Variants in SNX29 observed in about 807,000 individuals in gnomAD.
SNX29 encodes sorting nexin-29.
SNX29 carries 78 observed loss-of-function variants against 102.1 expected under a neutral mutation model. That is an observed-to-expected ratio of 0.76 (90% CI 0.64 to 0.92). The LOEUF (loss-of-function observed/expected upper bound fraction) is 0.92. Among genes scored for constraint, SNX29 ranks in the 40% least tolerant of loss-of-function variants. SNX29 has a pLI of 0.00. For synonymous variants in SNX29, 580 were observed against 414.5 expected, an observed-to-expected ratio of 1.40 and a Z score of -4.85; for missense variants, 1,280 against 1,061.7, an observed-to-expected ratio of 1.21 and a Z score of -2.86.
At chr16:12,140,726 CT>C (rs1277880159) in intron 13 of SNX29, among the ~76,000 whole-genome samples, 1 of 152,138 alleles carries the variant, frequency 6.6e-6, no homozygotes, top group African/African-American at 2.4e-5. Context: ...CCGAAGGTCT[CT>C]GTGCTGTGTT....
At chr16:12,496,776 C>G (rs573561872) in intron 19 of SNX29, among the ~76,000 whole-genome samples, 4 of 152,234 alleles carry the variant, frequency 2.6e-5, no homozygotes, top group African/African-American at 9.6e-5. Context: ...CTTCTGATGG[C>G]TTTTGAATTT....
intron 8 of SNX29, among the ~76,000 whole-genome samples, chr16:12,058,586 C>T (rs377558836): frequency 3.3e-4 from 49 of 147,204 alleles, no homozygotes; most frequent in African/African-American, 1.2e-3. Context: ...CTCCGCCTCT[C>T]GAGTTCAAGT....
chr16:12,112,473 T>C (rs2053537501), intron 11 of SNX29, among the ~76,000 whole-genome samples: 2 of 152,188 alleles, frequency 1.3e-5, no homozygotes, highest in African/African-American at 2.4e-5. Context: ...ATGAAGGTGC[T>C]GCCATCAGGC....
At chr16:12,040,697 C>T (rs2049845407) in intron 4 of SNX29, among the ~76,000 whole-genome samples, 1 of 152,130 alleles carries the variant, frequency 6.6e-6, no homozygotes, top group African/African-American at 2.4e-5. Flanking sequence ...ACTGGAAAGC[C>T]ATCAAAAATC....
intron 14 of SNX29, among the ~76,000 whole-genome samples, chr16:12,265,115 T>C (rs1391967336): frequency 1.3e-5 from 2 of 152,218 alleles, no homozygotes; most frequent in African/African-American, 4.8e-5. Flanking sequence ...ACTTCCTTTT[T>C]TGGGTCTGTA....
chr16:12,491,514 T>C (rs1228712004), intron 19 of SNX29, among the ~76,000 whole-genome samples: 1 of 152,244 alleles, frequency 6.6e-6, no homozygotes. Context: ...GCTGTTGTTT[T>C]TTTTTATGTG....
At chr16:12,310,231 C>A (rs1308761591) in intron 15 of SNX29, among the ~76,000 whole-genome samples, 2 of 152,186 alleles carry the variant, frequency 1.3e-5, no homozygotes, top group Non-Finnish European at 2.9e-5. Flanking sequence ...AGGAGAGACT[C>A]ACCGAAATGC....
chr16:12,505,963 ATTTG>A (rs1022725739), intron 19 of SNX29, among the ~76,000 whole-genome samples: 9 of 151,808 alleles, frequency 5.9e-5, no homozygotes, highest in East Asian at 3.9e-4. Context: ...TTCAGATTTC[ATTTG>A]TTTGTTTGTT....
intron 18 of SNX29, among the ~76,000 whole-genome samples, chr16:12,405,799 T>A (rs2084136723): frequency 6.6e-6 from 1 of 152,146 alleles, no homozygotes; most frequent in Admixed American, 6.5e-5. Flanking sequence ...TTTGGGAGGC[T>A]GAGGCGGGTG....
rs552383788 is a variant in SNX29, at chr16:12,120,096, T to G, written c.1403-6537T>G. On this transcript the variant is annotated intron_variant, in intron 11 of 20. Transcript: ENST00000566228. ...ACAGAACGAAAAGTTAGAATGGGCCTGAGTAATTTAAAAGTTACATTTTAG... is the reference window on the plus strand; with the variant it reads ...ACAGAACGAAAAGTTAGAATGGGCCGGAGTAATTTAAAAGTTACATTTTAG... 3.7e-4 allele frequency among the ~76,000 whole-genome samples: 56 copies of G among 152,318 alleles called. 1 individual carries two copies. Among genetic ancestry groups the G allele is most frequent in the South Asian group, 2.5e-3 (12 of 4,826 alleles).
intron 16 of SNX29, among the ~76,000 whole-genome samples, chr16:12,391,196 T>C (rs889858889): frequency 1.3e-5 from 2 of 152,144 alleles, no homozygotes; most frequent in Middle Eastern, 3.2e-3. Context: ...TCCTCCTGCA[T>C]TGGCCTCCTG....
chr16:12,193,170 T>A (rs1387453214), intron 13 of SNX29, among the ~76,000 whole-genome samples: 2 of 152,208 alleles, frequency 1.3e-5, no homozygotes, highest in African/African-American at 4.8e-5. Flanking sequence ...TCATCCAAGT[T>A]GTTGCATGTA....
intron 10 of SNX29, among the ~76,000 whole-genome samples, chr16:12,078,079 C>G (rs1030790583): frequency 6.6e-6 from 1 of 152,224 alleles, no homozygotes; most frequent in Non-Finnish European, 1.5e-5. Flanking sequence ...CTCTAACTCA[C>G]AAATTATCTC....
intron 13 of SNX29, among the ~76,000 whole-genome samples, chr16:12,186,534 C>T (rs374497227): frequency 6.6e-6 from 1 of 152,184 alleles, no homozygotes; most frequent in African/African-American, 2.4e-5. Context: ...AACACTGGTG[C>T]AGTATTATGA....
At position 12,356,268 on chromosome 16, in the gene SNX29, C is replaced by T; in HGVS notation, c.1888C>T (p.Leu630Phe). ...VSQMRQELID[L>F]RGPVPGDLSQ... ...CCAGATGAGGCAGGAGCTCATCGAT[C>T]TCCGGGGACCGGTGAGTGTTTCCCC... Residue 630 changes from leucine to phenylalanine, a missense_variant, in exon 16 of 21, where the codon CTC (leucine) becomes TTC (phenylalanine). By Grantham distance (22) the Leu-to-Phe change is conservative (BLOSUM62 0). Coordinates refer to ENST00000566228, the MANE Select transcript of SNX29 (RefSeq NM_032167.5). The T allele has an allele frequency of 3.1e-6, 5 of 1,604,986 alleles. No individual in the cohort carries two copies. Among genetic ancestry groups the T allele is most frequent in the Non-Finnish European group, 4.3e-6 (5 of 1,176,056 alleles).
intron 17 of SNX29, among the ~76,000 whole-genome samples, chr16:12,400,872 G>A (rs963216123): frequency 6.6e-5 from 10 of 152,140 alleles, no homozygotes; most frequent in African/African-American, 2.4e-4. Context: ...ACCCAGGTTG[G>A]AGTGCAGTGG....
At chr16:12,031,022 C>G (rs185672081) in intron 4 of SNX29, among the ~76,000 whole-genome samples, 15 of 152,076 alleles carry the variant, frequency 9.9e-5, no homozygotes, top group African/African-American at 3.6e-4. Context: ...CCTTCAGTGC[C>G]GCTGCCTGTG....
intron 20 of SNX29, among the ~76,000 whole-genome samples, chr16:12,564,534 G>C (rs1002872022): frequency 2.6e-5 from 4 of 152,190 alleles, no homozygotes; most frequent in Admixed American, 1.3e-4. Flanking sequence ...TCTGAATATG[G>C]AGTTAAGGCC....
chr16:12,328,174 G>C (rs1016535236), intron 15 of SNX29, among the ~76,000 whole-genome samples: 2 of 152,164 alleles, frequency 1.3e-5, no homozygotes, highest in African/African-American at 4.8e-5. Context: ...AGTGCCTCCC[G>C]CAGAGTAGAC....
Sources: gnomAD v4.1 joint callset for allele counts (sites outside exome capture counted in the v4.1 genomes callset) on GRCh38, gnomAD v4.1.1 for gene constraint, MANE v1.5 for transcripts, NCBI Gene and HGNC (gene_info 2026-07-23, HGNC 2026-07-21) for gene names.